Variants in KLF8 observed in about 807,000 individuals in gnomAD.
The protein encoded by KLF8 is Krueppel-like factor 8.
In KLF8, 10 loss-of-function variants were observed where a neutral mutation model predicts 18.2. The observed-to-expected ratio is 0.55, with a 90% CI of 0.34 to 0.93. KLF8 has a LOEUF of 0.93. Among genes scored for constraint, KLF8 ranks in the 40% least tolerant of loss-of-function variants. The pLI is 0.02. For synonymous variants in KLF8, 109 were observed against 97.3 expected (o/e 1.12, Z -0.71); for missense variants, 264 against 277.9 (o/e 0.95, Z 0.36).
chrX:56,050,295 C>T, the KLF8 span, among the ~76,000 whole-genome samples: 5 of 111,444 alleles, frequency 4.5e-5, no homozygotes, highest in East Asian at 8.4e-4. Flanking sequence ...TTAGTTATTT[C>T]TTGCCTTCTG....
chrX:56,258,872 C>T (rs1288199356), intron 2 of KLF8, among the ~76,000 whole-genome samples: 1 of 111,650 alleles, frequency 9.0e-6, no homozygotes, highest in East Asian at 2.8e-4. Context: ...GCAATGCTGG[C>T]ATCATTCTAG....
rs959781748 is a variant in KLF8, at chrX:56,289,663, C to A, written c.*5169C>A. Among the ~76,000 whole-genome samples, 4 of 111,616 alleles carry A rather than the reference C, an allele frequency of 3.6e-5. No individual in the cohort carries two copies. The highest frequency in any genetic ancestry group is 5.6e-5 in the Non-Finnish European group (3 of 53,178). ...AGCCTCCCACACTAATACTGAGAAACCTGGCTCTCAACCTCTGTCATCTAT... is the reference window on the plus strand; with the variant it reads ...AGCCTCCCACACTAATACTGAGAAAACTGGCTCTCAACCTCTGTCATCTAT... On this transcript the variant is annotated 3_prime_UTR_variant, in exon 6 of 6. Coordinates refer to ENST00000468660, the MANE Select transcript of KLF8 (RefSeq NM_007250.5).
the KLF8 span, among the ~76,000 whole-genome samples, chrX:55,931,560 G>T: frequency 9.0e-6 from 1 of 111,490 alleles, no homozygotes; most frequent in Admixed American, 9.5e-5. Flanking sequence ...CAGAGATTCT[G>T]GTATGTTGTG....
At chrX:56,050,047 A>G in the KLF8 span, among the ~76,000 whole-genome samples, 1 of 110,594 alleles carries the variant, frequency 9.0e-6, no homozygotes, top group Non-Finnish European at 1.9e-5. Flanking sequence ...TTTCTAGTTT[A>G]TTTGCATAGA....
At chrX:55,992,739 G>A in the KLF8 span, among the ~76,000 whole-genome samples, 4 of 111,851 alleles carry the variant, frequency 3.6e-5, no homozygotes, top group African/African-American at 1.3e-4. Flanking sequence ...ATAATGGAAT[G>A]TTTTTCCAGT....
the KLF8 span, among the ~76,000 whole-genome samples, chrX:56,032,113 G>A: frequency 1.8e-5 from 2 of 110,714 alleles, no homozygotes; most frequent in Non-Finnish European, 3.8e-5. Context: ...GGTGCCTGGC[G>A]CCGGGCTGCC....
At chrX:55,997,551 C>T in the KLF8 span, among the ~76,000 whole-genome samples, 2 of 111,446 alleles carry the variant, frequency 1.8e-5, no homozygotes, top group Non-Finnish European at 3.8e-5. Context: ...GTGTAGGATT[C>T]CCAGCTTTTT....
At chrX:55,938,458 G>A in the KLF8 span, among the ~76,000 whole-genome samples, 9 of 111,223 alleles carry the variant, frequency 8.1e-5, no homozygotes, top group South Asian at 3.8e-4. Context: ...AGGAAGAAAC[G>A]GCATCAACTA....
chrX:56,076,246 C>T, the KLF8 span, among the ~76,000 whole-genome samples: 1 of 104,655 alleles, frequency 9.6e-6, no homozygotes, highest in Non-Finnish European at 1.9e-5. Flanking sequence ...CCCACTAACT[C>T]GTCATCTAAC....
At chrX:56,013,051 A>G in the KLF8 span, among the ~76,000 whole-genome samples, 2 of 111,833 alleles carry the variant, frequency 1.8e-5, no homozygotes, top group African/African-American at 6.5e-5. Flanking sequence ...AAATAAGACC[A>G]CCCATCTACA....
intron 2 of KLF8, among the ~76,000 whole-genome samples, chrX:56,264,186 T>C (rs1199925640): frequency 4.5e-5 from 5 of 111,334 alleles, no homozygotes; most frequent in Non-Finnish European, 9.4e-5. Flanking sequence ...TTTGAATTCA[T>C]GGAATTCTTA....
At chrX:56,087,675 G>C in the KLF8 span, among the ~76,000 whole-genome samples, 1 of 111,595 alleles carries the variant, frequency 9.0e-6, no homozygotes, top group Non-Finnish European at 1.9e-5. Context: ...AAGCAAAGCT[G>C]CCCAATTTAT....
At chrX:56,169,272 C>T in the KLF8 span, among the ~76,000 whole-genome samples, 7 of 111,406 alleles carry the variant, frequency 6.3e-5, no homozygotes, top group South Asian at 1.5e-3. Flanking sequence ...TTCCCAACCG[C>T]GGTGGCTACA....
At chrX:55,987,378 G>T in the KLF8 span, among the ~76,000 whole-genome samples, 2 of 109,814 alleles carry the variant, frequency 1.8e-5, no homozygotes, top group East Asian at 2.9e-4. Flanking sequence ...AGGCCCCGGG[G>T]TGTGATGTTC....
the KLF8 span, among the ~76,000 whole-genome samples, chrX:55,994,973 C>A: frequency 9.0e-6 from 1 of 111,665 alleles, no homozygotes; most frequent in African/African-American, 3.3e-5. Flanking sequence ...TCTTTGTTAG[C>A]TTTCTAGCTC....
rs2067318327 is a variant in KLF8, at chrX:56,291,115, G to A, written c.*6621G>A. 9.0e-6 allele frequency among the ~76,000 whole-genome samples: 1 copy of A among 111,394 alleles called. No individual in the cohort carries two copies. Among genetic ancestry groups the A allele is most frequent in the South Asian group, 3.8e-4 (1 of 2,663 alleles). ...AGAAACTGGTTCTCTTTTTTGTGTTGGGGAAAGGAGCCTGCAGTGAAAGGA... is the reference window on the plus strand; with the variant it reads ...AGAAACTGGTTCTCTTTTTTGTGTTAGGGAAAGGAGCCTGCAGTGAAAGGA... On this transcript the variant is annotated 3_prime_UTR_variant, in exon 6 of 6. Coordinates refer to ENST00000468660, the MANE Select transcript of KLF8 (RefSeq NM_007250.5).
At chrX:56,003,415 TA>T in the KLF8 span, among the ~76,000 whole-genome samples, 1 of 104,602 alleles carries the variant, frequency 9.6e-6, no homozygotes, top group Non-Finnish European at 2.0e-5. Flanking sequence ...GTAAAATAAA[TA>T]AATAAATAAA....
chrX:56,037,650 A>G, the KLF8 span, among the ~76,000 whole-genome samples: 17 of 109,877 alleles, frequency 1.5e-4, no homozygotes, highest in Non-Finnish European at 2.5e-4. Flanking sequence ...TCCTTTTTAT[A>G]ATTTCTTTAT....
At chrX:56,121,366 A>T in the KLF8 span, among the ~76,000 whole-genome samples, 1 of 110,812 alleles carries the variant, frequency 9.0e-6, no homozygotes, top group Non-Finnish European at 1.9e-5. Flanking sequence ...CAGTTAGAGA[A>T]AAGGGAGAAA....
Sources: gnomAD v4.1 joint callset for allele counts (sites outside exome capture counted in the v4.1 genomes callset) on GRCh38, gnomAD v4.1.1 for gene constraint, MANE v1.5 for transcripts, NCBI Gene and HGNC (gene_info 2026-07-23, HGNC 2026-07-21) for gene names.